Variants in CDC42BPB observed in about 807,000 individuals in gnomAD.
CDC42BPB encodes serine/threonine-protein kinase MRCK beta.
Under a neutral mutation model 214.9 loss-of-function variants are expected in CDC42BPB, and 37 were observed. That is an observed-to-expected ratio of 0.17 (90% confidence interval 0.13 to 0.23). CDC42BPB has a LOEUF of 0.23. Among genes scored for constraint, CDC42BPB ranks in the 10% least tolerant of loss-of-function variants. CDC42BPB has a pLI of 1.00. For missense variants in CDC42BPB, 1,694 were observed against 2,227.0 expected, an observed-to-expected ratio of 0.76 and a Z score of 4.82; for synonymous variants, 931 against 884.0, an observed-to-expected ratio of 1.05 and a Z score of -0.94.
intron 7 of CDC42BPB, among the ~76,000 whole-genome samples, chr14:102,982,793 C>A (rs368661270): frequency 6.6e-6 from 1 of 151,774 alleles, no homozygotes; most frequent in Non-Finnish European, 1.5e-5. Context: ...GCAGGAGAAT[C>A]GCTTGAACTC....
intron 3 of CDC42BPB, among the ~76,000 whole-genome samples, chr14:103,005,153 G>C (rs537817879): frequency 1.4e-5 from 2 of 147,564 alleles, no homozygotes; most frequent in African/African-American, 2.5e-5. Context: ...GGGCGACAAA[G>C]CGAGACTCTG....
chr14:102,936,235 A>G (rs1891642033), intron 36 of CDC42BPB, among the ~76,000 whole-genome samples: 1 of 152,198 alleles, frequency 6.6e-6, no homozygotes, highest in African/African-American at 2.4e-5. Context: ...AAATCCAGCA[A>G]TCCCACTCAC....
chr14:102,939,972 C>T (rs377554520), intron 32 of CDC42BPB, 25 bp from the exon 33 acceptor site: 88 of 1,613,602 alleles, frequency 5.5e-5, no homozygotes, highest in East Asian at 3.1e-4. Flanking sequence ...CGCGCGGTGA[C>T]GGTGCTGCGG....
intron 19 of CDC42BPB, 117 bp downstream of exon 19, chr14:102,964,385 C>G: frequency 7.9e-7 from 1 of 1,263,048 alleles, no homozygotes; most frequent in Non-Finnish European, 1.1e-6. Context: ...AAGGCTCCAG[C>G]AAACGCCGTG....
At chr14:103,014,981 C>T (rs888382404) in intron 1 of CDC42BPB, among the ~76,000 whole-genome samples, 17 of 152,210 alleles carry the variant, frequency 1.1e-4, no homozygotes, top group East Asian at 5.8e-4. Flanking sequence ...TCAAGTCACC[C>T]GGGCTTCCTT....
Position 102,981,027 on chromosome 14 carries a change from A to G in CDC42BPB, c.892-6T>C, listed in dbSNP as rs1566878574. On this transcript the variant is annotated splice_region_variant and splice_polypyrimidine_tract_variant and intron_variant, in intron 7 of 36. Coordinates refer to ENST00000361246, the MANE Select transcript of CDC42BPB (RefSeq NM_006035.4). The stretch of plus-strand genomic sequence containing the variant: ...GATGGGAACTGGAATCGCTCCTGCA[A>G]GGGGTGGCAAAAACACCGGTGGACA... 6.2e-7 allele frequency: 1 copy of G among 1,614,010 alleles called. No homozygotes were observed. The highest frequency in any genetic ancestry group is 8.5e-7 in the Non-Finnish European group (1 of 1,179,928).
chr14:103,031,745 G>GAATGCCCAACCCGTCTGGCTTCT (rs1484572933), intron 1 of CDC42BPB, among the ~76,000 whole-genome samples: 6 of 152,140 alleles, frequency 3.9e-5, no homozygotes, highest in African/African-American at 1.4e-4. Flanking sequence ...TGTGCAGGTA[G>GAATGCCCAACCCGTCTGGCTTCT]AATGCCCAAC....
Position 102,944,176 on chromosome 14 carries a change from T to G in CDC42BPB, c.4123A>C (p.Ser1375Arg), listed in dbSNP as rs762012281. Reference protein sequence around the residue: ...RKFNEIVAPGSVQCLAVLRDR... With the variant: ...RKFNEIVAPGRVQCLAVLRDR... ...CTGAGCACCGCCAGGCACTGCACGC[T>G]GCCGGGAGCCACAATCTCATTGAAC... The change falls in exon 30 of 37, where the codon AGC becomes CGC. Residue 1375 changes from serine (S) to arginine (R), a missense_variant. By Grantham distance (110) the Ser-to-Arg change is moderately radical (BLOSUM62 -1). Around this residue, in one of 7 missense-constraint regions of CDC42BPB, gnomAD observed 567 missense variants for 790.3 expected, o/e 0.72. Transcript: ENST00000361246. This position sits in a 1 kb window ranked among gnomAD's most constrained non-coding sequence, Gnocchi z 6.6. 6.2e-7 allele frequency: 1 copy of G among 1,613,234 alleles called. No individual in the cohort carries two copies. The highest frequency in any genetic ancestry group is 8.5e-7 in the Non-Finnish European group (1 of 1,180,038).
intron 13 of CDC42BPB, 64 bp downstream of exon 13, chr14:102,971,855 G>A (rs1433079596): frequency 6.5e-7 from 1 of 1,527,340 alleles, no homozygotes; most frequent in Non-Finnish European, 8.9e-7. Context: ...AGATTTCAAA[G>A]ACGTTTTATA....
chr14:102,976,169 A>G lies in CDC42BPB; in HGVS notation c.1221-120T>C, dbSNP rs2295830. On this transcript the variant is annotated intron_variant, in intron 9 of 36. Coordinates refer to ENST00000361246, the MANE Select transcript of CDC42BPB (RefSeq NM_006035.4). ...AAATCAGCAAACAAAAACACCTGAG[A>G]TAAGACTTTATGGTTTATGGAACCA... The G allele has an allele frequency of 2.7e-6, 4 of 1,482,240 alleles. No homozygotes were observed. The East Asian group carries it at 9.2e-5, about 34-fold the overall frequency. The allele number at this position is 1,482,240 out of a possible 1,614,324, so 91.8% of individuals were successfully genotyped here.
chr14:103,048,816 G>A (rs541983959), intron 1 of CDC42BPB, among the ~76,000 whole-genome samples: 3 of 151,810 alleles, frequency 2.0e-5, no homozygotes, highest in South Asian at 4.1e-4. Context: ...GGAGGCTGCA[G>A]TGAGCCAAGA....
At chr14:103,020,679 A>C (rs1489176772) in intron 1 of CDC42BPB, among the ~76,000 whole-genome samples, 1 of 152,160 alleles carries the variant, frequency 6.6e-6, no homozygotes, top group Admixed American at 6.5e-5. Context: ...TGAGAGAGAG[A>C]GCACAGGGCG....
rs559825834 is a variant in CDC42BPB, at chr14:103,017,909, T to C, written c.176-5721A>G. ...TTGTGTTGGTTACACCGTGGTTATGTAGAATATCCCTGTCTGCAGGAAATA... is the reference window on the plus strand; with the variant it reads ...TTGTGTTGGTTACACCGTGGTTATGCAGAATATCCCTGTCTGCAGGAAATA... On this transcript the variant is annotated intron_variant, in intron 1 of 36. Transcript: ENST00000361246. Among the ~76,000 whole-genome samples, 66 of 152,324 alleles carry C rather than the reference T, an allele frequency of 4.3e-4. No individual in the cohort carries two copies. In the East Asian group the frequency reaches 4.4e-3, roughly 10 times the overall value.
intron 1 of CDC42BPB, among the ~76,000 whole-genome samples, chr14:103,053,142 C>CT (rs1437244341): frequency 6.7e-6 from 1 of 149,740 alleles, no homozygotes; most frequent in Non-Finnish European, 1.5e-5. Flanking sequence ...GAGGTCAGGA[C>CT]TTTAAGACCA....
At chr14:102,933,900 C>CGTGCCCAGCTGGATGCAAATGT (rs1891511831) in intron 36 of CDC42BPB, 57 bp from the exon 37 acceptor site, 1 of 1,462,310 alleles carries the variant, frequency 6.8e-7, no homozygotes, top group East Asian at 2.9e-5. Flanking sequence ...GGGAGGCACG[C>CGTGCCCAGCTGGATGCAAATGT]GTGCCCAGCT....
At chr14:102,964,418 G>T in intron 19 of CDC42BPB, 84 bp downstream of exon 19, 1 of 1,501,790 alleles carries the variant, frequency 6.7e-7, no homozygotes, top group Non-Finnish European at 9.0e-7. Flanking sequence ...CAGGCGAGGA[G>T]CATCGGAGCC....
intron 16 of CDC42BPB, among the ~76,000 whole-genome samples, chr14:102,967,781 C>T (rs554194061): frequency 6.6e-6 from 1 of 152,206 alleles, no homozygotes; most frequent in Admixed American, 6.5e-5. Context: ...CGTTATATGG[C>T]ACATTACTGC....
At chr14:102,992,780 AAAATATATATATTCAAAAATATATATT>A in intron 5 of CDC42BPB, among the ~76,000 whole-genome samples, 1 of 148,394 alleles carries the variant, frequency 6.7e-6, no homozygotes, top group Admixed American at 6.7e-5. Context: ...ATATATATTA[AAAATATATATATTCAAAAATATATATT>A]AAAAATATAT....
chr14:103,002,172 G>A (rs1398277408), intron 4 of CDC42BPB, among the ~76,000 whole-genome samples: 2 of 152,246 alleles, frequency 1.3e-5, no homozygotes, highest in East Asian at 3.9e-4. Context: ...CTGCACTCGG[G>A]CCAGCCTCAC....
Sources: gnomAD v4.1 joint callset for allele counts (sites outside exome capture counted in the v4.1 genomes callset) on GRCh38, gnomAD v4.1.1 for gene constraint, gnomAD v4.1.1 regional missense constraint, Gnocchi (gnomAD v3.1) non-coding constraint, MANE v1.5 for transcripts, NCBI Gene and HGNC (gene_info 2026-07-23, HGNC 2026-07-21) for gene names.